The following ROBO1 variants were observed in gnomAD, a reference collection of about 807,000 sequenced individuals.
ROBO1 encodes roundabout guidance receptor 1.
A neutral mutation model predicts 195.9 loss-of-function variants in ROBO1; 149 were observed. That is an observed-to-expected ratio of 0.76 (90% CI 0.67 to 0.87). The LOEUF is 0.87. ROBO1 is among the 40% of genes least tolerant of loss of function. ROBO1 has a pLI of 0.00. For missense variants in ROBO1, 1,933 were observed against 2,068.3 expected (o/e 0.93, Z 1.27); for synonymous variants, 816 against 733.2 (o/e 1.11, Z -1.82).
At chr3:78,800,993 G>T (rs2108574860) in intron 4 of ROBO1, among the ~76,000 whole-genome samples, 1 of 152,302 alleles carries the variant, frequency 6.6e-6, no homozygotes, top group Middle Eastern at 3.4e-3. Context: ...TTCACAGGCT[G>T]AATTCCACAC....
intron 3 of ROBO1, among the ~76,000 whole-genome samples, chr3:78,995,589 T>A (rs2108088608): frequency 6.6e-6 from 1 of 152,102 alleles, no homozygotes; most frequent in Non-Finnish European, 1.5e-5. Context: ...ACCATCTTAA[T>A]TCACGTTTAT....
At chr3:79,710,789 G>A (rs1196332070) in intron 1 of ROBO1, among the ~76,000 whole-genome samples, 1 of 152,142 alleles carries the variant, frequency 6.6e-6, no homozygotes, top group Non-Finnish European at 1.5e-5. Context: ...TCAGACAGTG[G>A]ATATTTGGTA....
chr3:79,031,947 G>A (rs1029496446), intron 3 of ROBO1, among the ~76,000 whole-genome samples: 1 of 151,966 alleles, frequency 6.6e-6, no homozygotes, highest in Non-Finnish European at 1.5e-5. Flanking sequence ...AATTAATATA[G>A]TATTTTTAAA....
At chr3:79,353,783 G>A (rs1453110372) in intron 2 of ROBO1, among the ~76,000 whole-genome samples, 1 of 152,156 alleles carries the variant, frequency 6.6e-6, no homozygotes, top group African/African-American at 2.4e-5. Context: ...AGTGGCTCAC[G>A]CCTGTAATCC....
chr3:79,146,498 C>G (rs896388195), intron 2 of ROBO1, among the ~76,000 whole-genome samples: 7 of 151,652 alleles, frequency 4.6e-5, no homozygotes, highest in African/African-American at 4.8e-5. Flanking sequence ...ATATATATCT[C>G]TAATGTGTAT....
chr3:79,116,407 T>G (rs2079999750), intron 3 of ROBO1, among the ~76,000 whole-genome samples: 3 of 150,218 alleles, frequency 2.0e-5, no homozygotes, highest in African/African-American at 7.4e-5. Flanking sequence ...CCTTGCTTCC[T>G]TCCTTCCTTC....
At chr3:78,655,500 A>T (rs1706949855) in intron 18 of ROBO1, among the ~76,000 whole-genome samples, 1 of 152,130 alleles carries the variant, frequency 6.6e-6, no homozygotes, top group Admixed American at 6.5e-5. Context: ...TCCGCCTATG[A>T]TCCTCAATGT....
intron 2 of ROBO1, among the ~76,000 whole-genome samples, chr3:79,331,493 T>C (rs1418600217): frequency 6.6e-6 from 1 of 152,216 alleles, no homozygotes; most frequent in Non-Finnish European, 1.5e-5. Flanking sequence ...AAAAGTACTT[T>C]TTTAAAAAAT....
At position 79,606,035 on chromosome 3, in the gene ROBO1, C is replaced by CATATATATATAT. The variant is rs111238153; in HGVS notation, c.-50-16086_-50-16075dup. Reference sequence around the variant, plus strand: ...ACCCATTTATATATACATGTACCCACATATATATATATATATACACCCATT... The same window carrying CATATATATATAT: ...ACCCATTTATATATACATGTACCCACATATATATATATATATATATATATATATACACCCATT... On this transcript the variant is annotated intron_variant, in intron 1 of 30. Coordinates refer to ENST00000464233, the MANE Select transcript of ROBO1 (RefSeq NM_002941.4). Among the ~76,000 whole-genome samples the CATATATATATAT allele has an allele frequency of 9.5e-3, 1,392 of 146,726 alleles. 23 individuals are homozygous for CATATATATATAT. Among genetic ancestry groups the CATATATATATAT allele is most frequent in the African/African-American group, 0.034 (1,336 of 39,766 alleles).
intron 2 of ROBO1, among the ~76,000 whole-genome samples, chr3:79,535,739 T>C (rs1215961011): frequency 6.6e-6 from 1 of 151,624 alleles, no homozygotes; most frequent in Non-Finnish European, 1.5e-5. Flanking sequence ...AATGTTGACA[T>C]GCTAGGATGT....
rs879357217 is a variant in ROBO1, at chr3:79,152,690, T to A, written c.89-27151A>T. Among the ~76,000 whole-genome samples, 11 of 151,718 alleles carry A rather than the reference T, an allele frequency of 7.3e-5. No individual in the cohort carries two copies. In the East Asian group the frequency reaches 2.1e-3, roughly 30 times the overall value. On this transcript the variant is annotated intron_variant, in intron 2 of 30. Transcript: ENST00000464233. ...GAAGCTGACAGTCAAATGGGAGGAA[T>A]CTGACAAGAAACCGAAATAACAGAA...
At chr3:78,884,205 T>C (rs1449977620) in intron 4 of ROBO1, among the ~76,000 whole-genome samples, 1 of 152,190 alleles carries the variant, frequency 6.6e-6, no homozygotes, top group Non-Finnish European at 1.5e-5. Flanking sequence ...AGGATTATAA[T>C]GAAGAGAATG....
chr3:79,759,495 T>C (rs897628435), intron 1 of ROBO1, among the ~76,000 whole-genome samples: 1 of 152,168 alleles, frequency 6.6e-6, no homozygotes, highest in Non-Finnish European at 1.5e-5. Context: ...TATAGTCCTA[T>C]ACACAAGGAA....
chr3:79,344,048 T>TA (rs1240678885), intron 2 of ROBO1, among the ~76,000 whole-genome samples: 2 of 152,206 alleles, frequency 1.3e-5, no homozygotes, highest in Admixed American at 6.6e-5. Flanking sequence ...AGGTGGTTTT[T>TA]ATGACTGCTC....
chr3:79,765,284 C>T (rs377464811), intron 1 of ROBO1, among the ~76,000 whole-genome samples: 1 of 152,158 alleles, frequency 6.6e-6, no homozygotes, highest in East Asian at 1.9e-4. Flanking sequence ...CCTTAGATAT[C>T]CTAATTTTTA....
intron 1 of ROBO1, among the ~76,000 whole-genome samples, chr3:79,633,014 TA>T (rs1314003769): frequency 6.6e-6 from 1 of 151,822 alleles, no homozygotes; most frequent in East Asian, 1.9e-4. Context: ...AAAAGCAGAT[TA>T]AAAAAAAGTT....
chr3:79,366,784 T>C (rs936544419), intron 2 of ROBO1, among the ~76,000 whole-genome samples: 2 of 152,200 alleles, frequency 1.3e-5, no homozygotes, highest in Non-Finnish European at 1.5e-5. Flanking sequence ...AAGAAACAGC[T>C]GGAATCCTAA....
intron 2 of ROBO1, among the ~76,000 whole-genome samples, chr3:79,415,397 A>G (rs1559882693): frequency 6.6e-6 from 1 of 152,134 alleles, no homozygotes; most frequent in Non-Finnish European, 1.5e-5. Flanking sequence ...CTTAATTTAA[A>G]GGTTCTTTGA....
At position 79,270,625 on chromosome 3, in the gene ROBO1, A is replaced by C. The variant is rs1429367705; in HGVS notation, c.89-145086T>G. 9.2e-5 allele frequency among the ~76,000 whole-genome samples: 14 copies of C among 151,908 alleles called. No homozygotes were observed. The East Asian group carries it at 2.7e-3, about 30-fold the overall frequency. ...CAAAATTTTAGCTTGACATCTGCCA[A>C]TTGTTAAGTTCTTGCTATTTCTTTC... On this transcript the variant is annotated intron_variant, in intron 2 of 30. Transcript: ENST00000464233.
Sources: allele counts gnomAD v4.1 joint callset (sites outside exome capture counted in the v4.1 genomes callset), GRCh38; gene constraint gnomAD v4.1.1; transcripts MANE v1.5; gene names NCBI Gene and HGNC (gene_info 2026-07-23, HGNC 2026-07-21).